Variants in PCDHA2 observed in about 807,000 individuals in gnomAD.
The protein encoded by PCDHA2 is protocadherin alpha 2.
PCDHA2 carries 58 observed loss-of-function variants against 66.0 expected under a neutral mutation model. That is an observed-to-expected ratio of 0.88 (90% CI 0.71 to 1.09). The LOEUF is 1.09. PCDHA2 is among the 50% of genes least tolerant of loss of function. PCDHA2 has a pLI of 0.00. For synonymous variants in PCDHA2, 634 were observed against 554.0 expected, an observed-to-expected ratio of 1.14 and a Z score of -2.03; for missense variants, 1,267 against 1,242.3, an observed-to-expected ratio of 1.02 and a Z score of -0.30.
intron 1 of PCDHA2, among the ~76,000 whole-genome samples, chr5:140,820,375 TA>T (rs1487891425): frequency 6.6e-6 from 1 of 152,006 alleles, no homozygotes; most frequent in Non-Finnish European, 1.5e-5. Context: ...CATTTTCTGG[TA>T]ATTTCTTTTT....
At chr5:141,005,548 A>G (rs970223535) in intron 3 of PCDHA2, among the ~76,000 whole-genome samples, 2 of 151,322 alleles carry the variant, frequency 1.3e-5, no homozygotes, top group African/African-American at 4.9e-5. Flanking sequence ...CTAAAAATAC[A>G]AAAATTAGCC....
intron 1 of PCDHA2, chr5:140,807,458 G>T: frequency 6.2e-7 from 1 of 1,608,232 alleles, no homozygotes; most frequent in Non-Finnish European, 8.5e-7. Flanking sequence ...TTCTCGGATC[G>T]ACCGGGAGGA....
Position 140,843,127 on chromosome 5 carries a change from C to G in PCDHA2, c.2388+45775C>G, listed in dbSNP as rs2150353470. 3 of 1,595,942 alleles carry G rather than the reference C, an allele frequency of 1.9e-6. No individual in the cohort carries two copies. The South Asian group carries it at 3.3e-5, about 18-fold the overall frequency. On this transcript the variant is annotated intron_variant, in intron 1 of 3. Transcript: ENST00000526136. The stretch of plus-strand genomic sequence containing the variant: ...TGCGCGCAGTGGACGCCGACTCGGG[C>G]TACAACGCGTGGCTTTCGTATGAGC...
chr5:140,835,734 A>T lies in PCDHA2; in HGVS notation c.2388+38382A>T, dbSNP rs1554135223. 1.9e-6 allele frequency: 3 copies of T among 1,613,614 alleles called. No individual in the cohort carries two copies. In the African/African-American group the frequency reaches 4.0e-5, roughly 22 times the overall value. On this transcript the variant is annotated intron_variant, in intron 1 of 3. Coordinates refer to ENST00000526136, the MANE Select transcript of PCDHA2 (RefSeq NM_018905.3). ...CGTGGAGGTGGCCGACGTGAACGAC[A>T]ACGCCCCGGCGTTCGCGCAGCCCGA... is the stretch of plus-strand genomic sequence containing the variant.
intron 1 of PCDHA2, chr5:140,853,408 AG>A: frequency 1.0e-6 from 1 of 986,092 alleles, no homozygotes; most frequent in Middle Eastern, 5.3e-4. Flanking sequence ...CAAAACAGAG[AG>A]GTGAAAGCAG....
chr5:140,853,959 GC>G, intron 1 of PCDHA2: 1 of 736,848 alleles, frequency 1.4e-6, no homozygotes, highest in Non-Finnish European at 1.7e-6. Context: ...CCTTCCTTGA[GC>G]CCAGCAGTTT....
chr5:140,870,145 G>A, intron 1 of PCDHA2: 1 of 1,614,088 alleles, frequency 6.2e-7, no homozygotes, highest in Non-Finnish European at 8.5e-7. Context: ...TAACTCTCCT[G>A]AAGTCGCCGT....
At chr5:140,863,561 A>G (rs1581693390) in intron 1 of PCDHA2, 1 of 376,820 alleles carries the variant, frequency 2.7e-6, no homozygotes. Flanking sequence ...GAAATTTTTG[A>G]GAATATAAGT....
chr5:140,877,527 C>A (rs1554169810), intron 1 of PCDHA2: 1 of 1,613,642 alleles, frequency 6.2e-7, no homozygotes, highest in East Asian at 2.2e-5. Flanking sequence ...CCTCAGTGGG[C>A]GCTGTGGATC....
intron 1 of PCDHA2, chr5:140,836,643 A>G: frequency 6.2e-7 from 1 of 1,613,476 alleles, no homozygotes; most frequent in Non-Finnish European, 8.5e-7. Flanking sequence ...CTCCCAGCAG[A>G]GGCGGCAGAG....
chr5:140,797,471 C>T (rs781911209), intron 1 of PCDHA2, 119 bp downstream of exon 1: 14 of 1,197,520 alleles, frequency 1.2e-5, no homozygotes, highest in Non-Finnish European at 1.2e-6. Context: ...TCCTACCGTG[C>T]GATTTTGAAT....
intron 3 of PCDHA2, among the ~76,000 whole-genome samples, chr5:140,984,886 C>A (rs1254649508): frequency 1.3e-5 from 2 of 151,720 alleles, no homozygotes; most frequent in Non-Finnish European, 2.9e-5. Context: ...ACCATGAGAA[C>A]TAAAGGAGAA....
chr5:140,936,091 C>T (rs782416143), intron 1 of PCDHA2, among the ~76,000 whole-genome samples: 2 of 152,046 alleles, frequency 1.3e-5, no homozygotes, highest in Non-Finnish European at 2.9e-5. Flanking sequence ...CAGGGTTTCA[C>T]CATGTTGGCC....
At chr5:140,990,445 A>C (rs1212288513) in intron 3 of PCDHA2, among the ~76,000 whole-genome samples, 2 of 152,140 alleles carry the variant, frequency 1.3e-5, no homozygotes, top group Non-Finnish European at 2.9e-5. Context: ...TTGTGTCCAG[A>C]GCTGTTGCTG....
chr5:140,885,335 A>T (rs183720535), intron 1 of PCDHA2, among the ~76,000 whole-genome samples: 2 of 152,246 alleles, frequency 1.3e-5, no homozygotes, highest in East Asian at 3.9e-4. Context: ...CCAAAGTTTG[A>T]AGGGATTTCC....
chr5:140,980,734 T>C (rs2096903764), intron 2 of PCDHA2, among the ~76,000 whole-genome samples: 3 of 151,998 alleles, frequency 2.0e-5, no homozygotes, highest in African/African-American at 4.8e-5. Context: ...TAAGATATTA[T>C]GAGATTTGAG....
intron 1 of PCDHA2, chr5:140,868,979 C>A: frequency 6.7e-7 from 1 of 1,485,290 alleles, no homozygotes; most frequent in Non-Finnish European, 9.0e-7. Context: ...TCCATCATAC[C>A]GGATGCCACC....
chr5:140,875,360 GA>G, intron 1 of PCDHA2: 1 of 1,447,846 alleles, frequency 6.9e-7, no homozygotes, highest in Non-Finnish European at 9.1e-7. Context: ...TGTGATGCTG[GA>G]AAAAATTTAC....
At chr5:140,847,907 G>GT (rs1781241234) in intron 1 of PCDHA2, 1 of 149,326 alleles carries the variant, frequency 6.7e-6, no homozygotes, top group Non-Finnish European at 1.5e-5. Context: ...TAGATTTCTG[G>GT]GCTCCTATAT....
Sources: allele counts gnomAD v4.1 joint callset (sites outside exome capture counted in the v4.1 genomes callset), GRCh38; gene constraint gnomAD v4.1.1; transcripts MANE v1.5; gene names NCBI Gene and HGNC (gene_info 2026-07-23, HGNC 2026-07-21).